The following CDH13 variants were observed in gnomAD, a reference collection of about 807,000 sequenced individuals.
CDH13 encodes cadherin-13.
Under a neutral mutation model 63.8 loss-of-function variants are expected in CDH13, and 24 were observed. That is an observed-to-expected ratio of 0.38 (90% CI 0.27 to 0.53). CDH13 has a LOEUF of 0.53. CDH13 is among the 20% of genes least tolerant of loss of function. The pLI, the probability that CDH13 is intolerant of heterozygous loss-of-function variation, is 0.85. For synonymous variants in CDH13, 503 were observed against 355.3 expected (o/e 1.42, Z -4.67); for missense variants, 1,049 against 903.1 (o/e 1.16, Z -2.07).
chr16:83,009,362 G>C (rs2045270617), intron 2 of CDH13, among the ~76,000 whole-genome samples: 2 of 152,240 alleles, frequency 1.3e-5, no homozygotes, highest in Admixed American at 1.3e-4. Flanking sequence ...TTTATTCAAA[G>C]AGAGGAGCAG....
At chr16:83,224,216 G>T (rs557142190) in intron 5 of CDH13, among the ~76,000 whole-genome samples, 67 of 152,320 alleles carry the variant, frequency 4.4e-4, no homozygotes, top group African/African-American at 1.6e-3. Flanking sequence ...ATATATGTAT[G>T]TATACACACA....
At chr16:83,141,971 C>G (rs1266593817) in intron 4 of CDH13, among the ~76,000 whole-genome samples, 2 of 152,086 alleles carry the variant, frequency 1.3e-5, no homozygotes, top group Admixed American at 6.5e-5. Flanking sequence ...CCCACCCAGT[C>G]TTTGAATAGG....
intron 2 of CDH13, among the ~76,000 whole-genome samples, chr16:82,955,819 C>G (rs1379975989): frequency 1.3e-5 from 2 of 152,222 alleles, no homozygotes; most frequent in Non-Finnish European, 2.9e-5. Flanking sequence ...TAAAATGTCA[C>G]ACAAGAAAGA....
intron 6 of CDH13, among the ~76,000 whole-genome samples, chr16:83,459,594 G>C (rs1006934079): frequency 1.3e-5 from 2 of 152,192 alleles, no homozygotes; most frequent in Non-Finnish European, 2.9e-5. Context: ...CTGTACCAGA[G>C]CCATAGGAAA....
chr16:82,787,325 C>T (rs188464153), intron 1 of CDH13, among the ~76,000 whole-genome samples: 145 of 152,274 alleles, frequency 9.5e-4, no homozygotes, highest in African/African-American at 3.2e-3. Flanking sequence ...CTTTCCCTAA[C>T]AAAATAAACA....
intron 2 of CDH13, among the ~76,000 whole-genome samples, chr16:83,030,970 C>G (rs909071453): frequency 6.6e-6 from 1 of 151,528 alleles, no homozygotes; most frequent in Non-Finnish European, 1.5e-5. Flanking sequence ...AAATATAGTT[C>G]CTCAAAGTAA....
chr16:83,597,826 T>C (rs1907415359), intron 7 of CDH13, among the ~76,000 whole-genome samples: 1 of 152,242 alleles, frequency 6.6e-6, no homozygotes, highest in Non-Finnish European at 1.5e-5. Context: ...TTATAAAATT[T>C]GTTGAACTAC....
At chr16:82,655,617 A>ATCATTTGT (rs1277154617) in intron 1 of CDH13, among the ~76,000 whole-genome samples, 1 of 152,156 alleles carries the variant, frequency 6.6e-6, no homozygotes, top group African/African-American at 2.4e-5. Flanking sequence ...AGGCAGTGAC[A>ATCATTTGT]TCATTTGTTT....
chr16:83,446,059 G>A (rs2072678540), intron 6 of CDH13, among the ~76,000 whole-genome samples: 1 of 152,120 alleles, frequency 6.6e-6, no homozygotes. Context: ...AGCACTTTGG[G>A]AGGCTGAGGT....
intron 3 of CDH13, among the ~76,000 whole-genome samples, chr16:83,105,707 A>G (rs531271240): frequency 2.6e-5 from 4 of 152,354 alleles, no homozygotes; most frequent in South Asian, 4.1e-4. Flanking sequence ...GACCTGGCAG[A>G]TGAAACCAGA....
At chr16:83,124,548 G>A (rs1159072732) in intron 3 of CDH13, among the ~76,000 whole-genome samples, 1 of 136,236 alleles carries the variant, frequency 7.3e-6, no homozygotes, top group Non-Finnish European at 1.6e-5. Context: ...TTTTGGTCAT[G>A]TTTGCTTTTG....
intron 1 of CDH13, among the ~76,000 whole-genome samples, chr16:82,772,549 C>A (rs1181473951): frequency 6.6e-6 from 1 of 152,048 alleles, no homozygotes; most frequent in South Asian, 2.1e-4. Context: ...AGACATGCTA[C>A]GCAGAAAAAA....
chr16:82,921,857 C>T (rs2042165736), intron 2 of CDH13, among the ~76,000 whole-genome samples: 1 of 152,038 alleles, frequency 6.6e-6, no homozygotes, highest in African/African-American at 2.4e-5. Flanking sequence ...ATAAAACTTA[C>T]CTGTAAATCT....
chr16:83,474,185 T>C (rs1348190140), intron 6 of CDH13, among the ~76,000 whole-genome samples: 1 of 152,144 alleles, frequency 6.6e-6, no homozygotes, highest in African/African-American at 2.4e-5. Flanking sequence ...AGTCCACACA[T>C]GTATCTCCTC....
At chr16:83,478,474 A>G (rs1189330668) in intron 6 of CDH13, among the ~76,000 whole-genome samples, 1 of 152,126 alleles carries the variant, frequency 6.6e-6, no homozygotes, top group African/African-American at 2.4e-5. Flanking sequence ...CATCTTCATC[A>G]AAACTCACAT....
intron 1 of CDH13, among the ~76,000 whole-genome samples, chr16:82,774,715 A>C: frequency 6.6e-6 from 1 of 152,150 alleles, no homozygotes; most frequent in East Asian, 1.9e-4. Flanking sequence ...CACTGTATCC[A>C]CCAGGATAGG....
chr16:83,324,271 G>A (rs938280987), intron 5 of CDH13, among the ~76,000 whole-genome samples: 8 of 152,100 alleles, frequency 5.3e-5, no homozygotes, highest in Admixed American at 2.0e-4. Context: ...TCCTGACCTC[G>A]TGATGCACCC....
At chr16:82,639,305 G>A (rs1430001912) in intron 1 of CDH13, 2 of 1,283,062 alleles carry the variant, frequency 1.6e-6, no homozygotes, top group Non-Finnish European at 2.2e-6. Flanking sequence ...CTTCAGAACA[G>A]GGTCAGCCCG....
At chr16:82,669,839 T>A (rs1913029154) in intron 1 of CDH13, among the ~76,000 whole-genome samples, 1 of 152,228 alleles carries the variant, frequency 6.6e-6, no homozygotes, top group South Asian at 2.1e-4. Flanking sequence ...GATCTCACTT[T>A]AGGGAGTTGA....
Sources: allele counts gnomAD v4.1 joint callset (sites outside exome capture counted in the v4.1 genomes callset), GRCh38; gene constraint gnomAD v4.1.1; transcripts MANE v1.5; gene names NCBI Gene and HGNC (gene_info 2026-07-23, HGNC 2026-07-21).